SORCS1: variants seen among roughly 807,000 people sequenced by gnomAD.
The protein encoded by SORCS1 is VPS10 domain-containing receptor SorCS1.
In SORCS1, 60 loss-of-function variants were observed where a neutral mutation model predicts 146.1. The ratio of observed to expected loss-of-function variants is 0.41; its 90% CI spans 0.33 to 0.51. The LOEUF (loss-of-function observed/expected upper bound fraction) is 0.51, where lower values mean the gene tolerates loss of function less well. SORCS1 is among the 20% of genes least tolerant of loss of function. SORCS1 has a pLI of 0.21. For missense variants in SORCS1, 1,352 were observed against 1,487.6 expected, an observed-to-expected ratio of 0.91 and a Z score of 1.50; for synonymous variants, 637 against 584.0, an observed-to-expected ratio of 1.09 and a Z score of -1.31.
chr10:107,120,002 A>G (rs912427887), intron 1 of SORCS1, among the ~76,000 whole-genome samples: 3 of 152,028 alleles, frequency 2.0e-5, no homozygotes, highest in East Asian at 3.9e-4. Flanking sequence ...GCTAATTCCT[A>G]TATGTTTTAA....
intron 15 of SORCS1, among the ~76,000 whole-genome samples, chr10:106,671,666 G>T (rs2135477091): frequency 6.6e-6 from 1 of 152,292 alleles, no homozygotes; most frequent in Middle Eastern, 3.4e-3. Flanking sequence ...CACAGACTCA[G>T]CCTGTACCTA....
At chr10:106,675,692 C>T (rs1851975439) in intron 13 of SORCS1, among the ~76,000 whole-genome samples, 1 of 152,162 alleles carries the variant, frequency 6.6e-6, no homozygotes, top group African/African-American at 2.4e-5. Context: ...CTGATGGTCA[C>T]TGGAATGCTC....
At chr10:106,710,230 C>A (rs1854872788) in intron 6 of SORCS1, among the ~76,000 whole-genome samples, 2 of 152,060 alleles carry the variant, frequency 1.3e-5, no homozygotes, top group South Asian at 4.1e-4. Context: ...AGGTGGATCA[C>A]GAGGTCTGGA....
intron 24 of SORCS1, among the ~76,000 whole-genome samples, chr10:106,585,960 C>T (rs926230978): frequency 2.0e-5 from 3 of 152,186 alleles, no homozygotes; most frequent in South Asian, 4.1e-4. Flanking sequence ...ACCAACAACC[C>T]ATAGCTGATT....
intron 3 of SORCS1, among the ~76,000 whole-genome samples, chr10:106,784,888 G>C (rs114474730): frequency 6.6e-6 from 1 of 152,178 alleles, no homozygotes; most frequent in African/African-American, 2.4e-5. Flanking sequence ...GGTAAAATCT[G>C]TAAGTTGTGT....
chr10:106,791,772 T>C (rs965618672), intron 3 of SORCS1, among the ~76,000 whole-genome samples: 3 of 152,334 alleles, frequency 2.0e-5, no homozygotes, highest in South Asian at 2.1e-4. Context: ...CAGAAGAGTA[T>C]ACTAATTTAA....
intron 1 of SORCS1, among the ~76,000 whole-genome samples, chr10:106,997,955 A>G (rs1195913050): frequency 6.6e-6 from 1 of 152,174 alleles, no homozygotes; most frequent in Non-Finnish European, 1.5e-5. Flanking sequence ...ATTCGTGACC[A>G]TATATTCTGG....
At chr10:106,834,839 T>A (rs917588344) in intron 2 of SORCS1, among the ~76,000 whole-genome samples, 1 of 152,248 alleles carries the variant, frequency 6.6e-6, no homozygotes, top group Admixed American at 6.5e-5. Flanking sequence ...GGTTGACTTA[T>A]CTATAAATGA....
At chr10:106,921,862 C>T (rs944369913) in intron 2 of SORCS1, among the ~76,000 whole-genome samples, 1 of 152,194 alleles carries the variant, frequency 6.6e-6, no homozygotes, top group Non-Finnish European at 1.5e-5. Flanking sequence ...GCTATGTTGC[C>T]TGCATTTCCA....
intron 6 of SORCS1, among the ~76,000 whole-genome samples, chr10:106,721,382 T>A (rs1211440541): frequency 6.6e-6 from 1 of 152,204 alleles, no homozygotes; most frequent in Non-Finnish European, 1.5e-5. Flanking sequence ...CTGATATTTT[T>A]AAATGTGTGT....
chr10:106,657,264 C>A (rs577485228), intron 17 of SORCS1, among the ~76,000 whole-genome samples: 1 of 152,152 alleles, frequency 6.6e-6, no homozygotes, highest in Non-Finnish European at 1.5e-5. Flanking sequence ...CCATGGAATA[C>A]TACTCAGTCA....
intron 1 of SORCS1, among the ~76,000 whole-genome samples, chr10:107,094,347 C>T (rs1041998514): frequency 2.0e-5 from 3 of 152,052 alleles, no homozygotes; most frequent in Non-Finnish European, 2.9e-5. Flanking sequence ...AGTATTCTTC[C>T]AAACTGACAT....
At position 106,706,573 on chromosome 10, in the gene SORCS1, A is replaced by C. The variant is rs1163455979; in HGVS notation, c.1205T>G (p.Met402Arg). The change falls in exon 8 of 26, where the codon ATG becomes AGG. Residue 402 changes from methionine (M) to arginine (R), a missense_variant. This residue lies in a region of SORCS1 where 648 missense variants were observed against 793.8 expected (regional missense o/e 0.82). Coordinates refer to ENST00000263054, the MANE Select transcript of SORCS1 (RefSeq NM_052918.5). ...GGGCAAAGCATATTTCGGAAGCTTCATTTGGGCAAATGCATTCCTTCGGTA... is the reference window on the plus strand; with the variant it reads ...GGGCAAAGCATATTTCGGAAGCTTCCTTTGGGCAAATGCATTCCTTCGGTA... ...VSYRRNAFAQ[M>R]KLPKYALPKD... 6.2e-7 allele frequency: 1 copy of C among 1,614,212 alleles called. No homozygotes were observed. The highest frequency in any genetic ancestry group is 8.5e-7 in the Non-Finnish European group (1 of 1,180,020).
At chr10:106,583,271 T>C (rs1341920793) in intron 24 of SORCS1, among the ~76,000 whole-genome samples, 1 of 152,230 alleles carries the variant, frequency 6.6e-6, no homozygotes, top group Non-Finnish European at 1.5e-5. Flanking sequence ...GACAGTTCCC[T>C]GGTGAGATAA....
intron 13 of SORCS1, among the ~76,000 whole-genome samples, chr10:106,675,473 T>C (rs1008591347): frequency 2.6e-5 from 4 of 152,172 alleles, no homozygotes. Context: ...CTCTTGACCC[T>C]GTCCAAAACC....
At chr10:107,158,816 G>C (rs918702269) in intron 1 of SORCS1, among the ~76,000 whole-genome samples, 3 of 152,064 alleles carry the variant, frequency 2.0e-5, no homozygotes, top group Non-Finnish European at 4.4e-5. Flanking sequence ...TCCTAAATGG[G>C]AGCAATTATT....
chr10:106,822,339 T>C (rs1948079718), intron 3 of SORCS1, among the ~76,000 whole-genome samples: 1 of 152,184 alleles, frequency 6.6e-6, no homozygotes, highest in Non-Finnish European at 1.5e-5. Context: ...AGATCAGTGT[T>C]GTTTTTCTCT....
chr10:106,724,891 G>A (rs771644397), intron 6 of SORCS1, among the ~76,000 whole-genome samples: 7 of 152,178 alleles, frequency 4.6e-5, no homozygotes, highest in Admixed American at 2.0e-4. Flanking sequence ...TGTAATCTCA[G>A]CCCTTTAGGA....
intron 2 of SORCS1, among the ~76,000 whole-genome samples, chr10:106,859,824 G>A (rs913852334): frequency 3.9e-5 from 6 of 152,074 alleles, no homozygotes; most frequent in African/African-American, 9.7e-5. Flanking sequence ...ATTTACATGC[G>A]TTTGATCTCG....
Sources: gnomAD v4.1 joint callset for allele counts (sites outside exome capture counted in the v4.1 genomes callset) on GRCh38, gnomAD v4.1.1 for gene constraint, gnomAD v4.1.1 regional missense constraint, MANE v1.5 for transcripts, NCBI Gene and HGNC (gene_info 2026-07-23, HGNC 2026-07-21) for gene names.